SDK1: variants seen among roughly 807,000 people sequenced by gnomAD.
SDK1 encodes the protein protein sidekick-1.
SDK1 carries 157 observed loss-of-function variants against 245.5 expected under a neutral mutation model. That is an observed-to-expected ratio of 0.64 (90% CI 0.56 to 0.73). The LOEUF (loss-of-function observed/expected upper bound fraction) is 0.73. Among genes scored for constraint, SDK1 ranks in the 30% least tolerant of loss-of-function variants. The probability of loss-of-function intolerance (pLI) is 0.00; values close to 1 mark genes in which losing one functional copy is unlikely to be tolerated. For synonymous variants in SDK1, 1,647 were observed against 1,278.5 expected, an observed-to-expected ratio of 1.29 and a Z score of -6.15; for missense variants, 3,583 against 3,002.3, an observed-to-expected ratio of 1.19 and a Z score of -4.52.
chr7:4,024,238 T>C (rs189282535), intron 17 of SDK1, among the ~76,000 whole-genome samples: 1 of 152,342 alleles, frequency 6.6e-6, no homozygotes, highest in East Asian at 1.9e-4. Context: ...AGCTCCTAAA[T>C]GTTCACTTGG....
intron 1 of SDK1, among the ~76,000 whole-genome samples, chr7:3,355,376 T>G (rs975783195): frequency 1.3e-5 from 2 of 152,212 alleles, no homozygotes; most frequent in African/African-American, 4.8e-5. Context: ...AGTGCAATGG[T>G]GCGATCGTAG....
intron 5 of SDK1, among the ~76,000 whole-genome samples, chr7:3,874,272 C>T (rs942380003): frequency 1.3e-5 from 2 of 152,214 alleles, no homozygotes; most frequent in Non-Finnish European, 2.9e-5. Flanking sequence ...GTCTCCGTAT[C>T]TGCTCCCCAT....
intron 1 of SDK1, among the ~76,000 whole-genome samples, chr7:3,558,692 C>A (rs545811763): frequency 9.0e-4 from 137 of 152,292 alleles, no homozygotes; most frequent in African/African-American, 3.2e-3. Flanking sequence ...CTGAGATTAT[C>A]AAGTCAAGAT....
At chr7:3,673,429 C>A (rs1027940734) in intron 4 of SDK1, among the ~76,000 whole-genome samples, 1 of 152,212 alleles carries the variant, frequency 6.6e-6, no homozygotes, top group African/African-American at 2.4e-5. Flanking sequence ...TTTTAGTATA[C>A]TCTCTATTCC....
At chr7:4,109,946 C>G (rs959643991) in intron 22 of SDK1, among the ~76,000 whole-genome samples, 1 of 152,138 alleles carries the variant, frequency 6.6e-6, no homozygotes, top group African/African-American at 2.4e-5. Flanking sequence ...GGAGCAAAGA[C>G]TCGGGAGAGG....
intron 4 of SDK1, among the ~76,000 whole-genome samples, chr7:3,780,627 A>G (rs944508711): frequency 1.2e-4 from 18 of 152,334 alleles, no homozygotes; most frequent in African/African-American, 4.3e-4. Context: ...ACAGGCAGGA[A>G]GACATTCACC....
intron 1 of SDK1, among the ~76,000 whole-genome samples, chr7:3,308,234 T>C (rs1198239928): frequency 2.6e-5 from 4 of 152,104 alleles, no homozygotes; most frequent in African/African-American, 7.2e-5. Flanking sequence ...GGGGCAAGGC[T>C]AACAAATCTG....
intron 1 of SDK1, among the ~76,000 whole-genome samples, chr7:3,612,508 T>TA (rs1781625064): frequency 6.6e-6 from 1 of 152,314 alleles, no homozygotes; most frequent in South Asian, 2.1e-4. Flanking sequence ...TGACTACACT[T>TA]ACCAGAAAAG....
intron 1 of SDK1, among the ~76,000 whole-genome samples, chr7:3,528,952 C>G (rs1349987540): frequency 6.6e-6 from 1 of 152,002 alleles, no homozygotes; most frequent in African/African-American, 2.4e-5. Flanking sequence ...AGCAATCAGG[C>G]CAGGGTTTAA....
At chr7:3,902,163 C>G (rs1583535005) in intron 5 of SDK1, among the ~76,000 whole-genome samples, 1 of 152,124 alleles carries the variant, frequency 6.6e-6, no homozygotes. Flanking sequence ...GGTGTTCTTA[C>G]TCCCAGACTC....
At chr7:3,709,195 T>C (rs371041877) in intron 4 of SDK1, among the ~76,000 whole-genome samples, 7 of 152,368 alleles carry the variant, frequency 4.6e-5, no homozygotes, top group African/African-American at 1.7e-4. Flanking sequence ...CCTTCAATTA[T>C]GAAACTTAGT....
chr7:3,526,556 G>A (rs1372752702), intron 1 of SDK1, among the ~76,000 whole-genome samples: 1 of 152,104 alleles, frequency 6.6e-6, no homozygotes, highest in Non-Finnish European at 1.5e-5. Flanking sequence ...AGATAGTTTG[G>A]TGGAATTCTA....
chr7:3,716,752 C>A (rs1285944676), intron 4 of SDK1, among the ~76,000 whole-genome samples: 3 of 148,312 alleles, frequency 2.0e-5, no homozygotes, highest in Non-Finnish European at 3.0e-5. Flanking sequence ...AAGTGAGACC[C>A]TGTCTCACCA....
intron 13 of SDK1, among the ~76,000 whole-genome samples, chr7:3,984,194 G>T (rs1159053908): frequency 6.6e-6 from 1 of 152,144 alleles, no homozygotes; most frequent in Non-Finnish European, 1.5e-5. Flanking sequence ...GCTGAGAGGG[G>T]GCAGAGGGAT....
rs185465463 is a variant in SDK1 at position 3,988,926 on chromosome 7, C to A, written c.2131+1604C>A. Among the ~76,000 whole-genome samples the A allele has an allele frequency of 2.0e-4, 30 of 152,286 alleles. No individual in the cohort carries two copies. In the East Asian group the frequency reaches 5.6e-3, roughly 28 times the overall value. On this transcript the variant is annotated intron_variant, in intron 14 of 44. Transcript: ENST00000404826. ...AGCTGGGACTACAGGCACCTGCCAC[C>A]ACGCCCAGCTAATTTTTGTATTTTT...
chr7:4,054,354 T>C (rs1362996826), intron 19 of SDK1, among the ~76,000 whole-genome samples: 2 of 152,248 alleles, frequency 1.3e-5, no homozygotes, highest in East Asian at 3.8e-4. Flanking sequence ...TTTGCGAAAC[T>C]ATAGTATTGC....
chr7:3,508,766 A>G (rs1212109163), intron 1 of SDK1, among the ~76,000 whole-genome samples: 1 of 152,180 alleles, frequency 6.6e-6, no homozygotes, highest in Non-Finnish European at 1.5e-5. Flanking sequence ...GTGCATTGGC[A>G]TTGCCCCAAA....
At chr7:4,194,864 G>T (rs553028334) in intron 35 of SDK1, among the ~76,000 whole-genome samples, 1 of 152,178 alleles carries the variant, frequency 6.6e-6, no homozygotes, top group Non-Finnish European at 1.5e-5. Context: ...TTGACACTCA[G>T]TATTAACCAT....
chr7:3,506,150 T>G (rs1266564871), intron 1 of SDK1, among the ~76,000 whole-genome samples: 6 of 152,180 alleles, frequency 3.9e-5, no homozygotes, highest in Non-Finnish European at 2.9e-5. Flanking sequence ...TTGTAGCTTT[T>G]CTTGCAGTTC....
Sources: gnomAD v4.1 joint callset for allele counts (sites outside exome capture counted in the v4.1 genomes callset) on GRCh38, gnomAD v4.1.1 for gene constraint, MANE v1.5 for transcripts, NCBI Gene and HGNC (gene_info 2026-07-23, HGNC 2026-07-21) for gene names.